Variants in GTPBP1 observed in about 807,000 individuals in gnomAD.
GTPBP1 encodes the protein GTP binding protein 1, also known as GTP-binding protein 1.
A neutral mutation model predicts 62.0 loss-of-function variants in GTPBP1; 23 were observed. The observed-to-expected ratio is 0.37, with a 90% CI of 0.27 to 0.53. The LOEUF is 0.53. Ranked by LOEUF, GTPBP1 falls within the 20% of genes least tolerant of loss-of-function variation. GTPBP1 has a pLI of 0.89. For missense variants in GTPBP1, 640 were observed against 917.3 expected, an observed-to-expected ratio of 0.70 and a Z score of 3.90; for synonymous variants, 344 against 364.4, an observed-to-expected ratio of 0.94 and a Z score of 0.64.
Position 38,726,507 on chromosome 22 carries a change from T to A in GTPBP1, c.1401+67T>A. On this transcript the variant is annotated intron_variant, in intron 8 of 11. Coordinates refer to ENST00000216044, the MANE Select transcript of GTPBP1 (RefSeq NM_004286.5). This position sits in a 1 kb window ranked among gnomAD's most constrained non-coding sequence, Gnocchi z 4.1. ...ATGCTAGGCTCTTGGCCAGATGCCCTGCTCACCCACTCTAGTCCTCATGGC... is the reference window on the plus strand; with the variant it reads ...ATGCTAGGCTCTTGGCCAGATGCCCAGCTCACCCACTCTAGTCCTCATGGC... 7.4e-7 allele frequency: 1 copy of A among 1,354,998 alleles called. No individual in the cohort carries two copies. The highest frequency in any genetic ancestry group is 1.0e-6 in the Non-Finnish European group (1 of 956,662). The allele number at this position is 1,354,998 out of a possible 1,614,324, so 83.9% of individuals were successfully genotyped here.
intron 1 of GTPBP1, 92 bp downstream of exon 1, chr22:38,706,239 C>CCG: frequency 1.2e-6 from 1 of 824,440 alleles, no homozygotes; most frequent in South Asian, 6.0e-5. Context: ...GCCGCCCTGT[C>CCG]CGCGGGGAGC....
intron 2 of GTPBP1, among the ~76,000 whole-genome samples, chr22:38,715,357 G>A (rs1339043868): frequency 6.6e-6 from 1 of 152,170 alleles, no homozygotes; most frequent in South Asian, 2.1e-4. Context: ...AACACACTGA[G>A]CTGCTTCCTG....
chr22:38,721,354 A>G (rs1217063390), intron 4 of GTPBP1, among the ~76,000 whole-genome samples: 1 of 152,192 alleles, frequency 6.6e-6, no homozygotes, highest in Non-Finnish European at 1.5e-5. Flanking sequence ...CTGGGGTTAC[A>G]GGAGTGAGCC....
chr22:38,714,622 A>G (rs900842447), intron 2 of GTPBP1, among the ~76,000 whole-genome samples: 3 of 152,108 alleles, frequency 2.0e-5, no homozygotes, highest in African/African-American at 7.2e-5. Flanking sequence ...TGGTGAAAGG[A>G]AAAACAGGAG....
At chr22:38,741,440 G>T, downstream of GTPBP1, 1 of 1,565,074 alleles carries the variant, frequency 6.4e-7, no homozygotes. Flanking sequence ...AGGTGAACAT[G>T]TTGGATGGGG....
Position 38,716,203 on chromosome 22 carries a change from G to C in GTPBP1, c.485+116G>C. The C allele has an allele frequency of 2.4e-6, 2 of 842,288 alleles. No homozygotes were observed. Among genetic ancestry groups the C allele is most frequent in the South Asian group, 1.6e-5 (1 of 64,112 alleles). The allele number at this position is 842,288 out of a possible 1,614,324, so 52.2% of individuals were successfully genotyped here. On this transcript the variant is annotated intron_variant, in intron 3 of 11. Transcript: ENST00000216044. The surrounding 1 kb of genome is among the most constrained non-coding windows in gnomAD (Gnocchi z 5.2). The stretch of plus-strand genomic sequence containing the variant: ...TCCCCTCCTGAGGCGGGGAAAGAGT[G>C]TCCAGGTGTCTGGAGACGTGGGCTC...
downstream of GTPBP1, chr22:38,739,385 A>G (rs1442280898): frequency 6.2e-7 from 1 of 1,613,132 alleles, no homozygotes; most frequent in Admixed American, 1.7e-5. This position sits in a 1 kb window ranked among gnomAD's most constrained non-coding sequence, Gnocchi z 6.7. Flanking sequence ...TGCGGTCCTC[A>G]CTGTAGCGCT....
downstream of GTPBP1, chr22:38,740,269 C>T (rs147351772): frequency 1.3e-3 from 2,003 of 1,576,052 alleles, 12 homozygotes; most frequent in Middle Eastern, 9.1e-3. The surrounding 1 kb of genome is among the most constrained non-coding windows in gnomAD (Gnocchi z 4.8). Flanking sequence ...CCACTCACGT[C>T]GTCCCGCACG....
At chr22:38,718,747 G>A (rs2092684263) in intron 4 of GTPBP1, among the ~76,000 whole-genome samples, 1 of 152,212 alleles carries the variant, frequency 6.6e-6, no homozygotes, top group South Asian at 2.1e-4. Context: ...TTCTGGTTTA[G>A]TATGGTACAA....
At chr22:38,713,587 T>C (rs1363665876) in intron 2 of GTPBP1, among the ~76,000 whole-genome samples, 1 of 152,048 alleles carries the variant, frequency 6.6e-6, no homozygotes, top group Non-Finnish European at 1.5e-5. Context: ...GTATTGTCAT[T>C]GTCAGAAATA....
chr22:38,727,958 T>A lies in GTPBP1; in HGVS notation c.1538-25T>A. 1 of 1,605,618 alleles carries A rather than the reference T, an allele frequency of 6.2e-7. No individual in the cohort carries two copies. The highest frequency in any genetic ancestry group is 8.5e-7 in the Non-Finnish European group (1 of 1,172,596). On this transcript the variant is annotated intron_variant, in intron 9 of 11. Transcript: ENST00000216044. This position sits in a 1 kb window ranked among gnomAD's most constrained non-coding sequence, Gnocchi z 6.5. ...GAAGCCACCAGGTGGCTCCAGCCTA[T>A]CCTGACCTCTGGCTTCCTTGACAGT...
At position 38,732,565 on chromosome 22, in the gene GTPBP1, A is replaced by G. The variant is rs2092766594; in HGVS notation, c.*1861A>G. The G allele has an allele frequency of 6.6e-6, 1 of 152,308 alleles. No individual in the cohort carries two copies. The highest frequency in any genetic ancestry group is 1.5e-5 in the Non-Finnish European group (1 of 68,092). The allele number at this position is 152,308 out of a possible 1,614,324, so 9.4% of individuals were successfully genotyped here. A position where few individuals can be genotyped will look rare whatever the true frequency, so the allele number is the denominator to read the frequency against. Reference sequence around the variant, plus strand: ...AAGGCTTGCTCAGTGAGCGGTCTGCACACCGTTAGCCACCCTGCCACCTCT... The same window carrying G: ...AAGGCTTGCTCAGTGAGCGGTCTGCGCACCGTTAGCCACCCTGCCACCTCT... On this transcript the variant is annotated 3_prime_UTR_variant, in exon 12 of 12. Transcript: ENST00000216044.
chr22:38,726,531 G>A lies in GTPBP1; in HGVS notation c.1401+91G>A. 9.0e-7 allele frequency: 1 copy of A among 1,113,356 alleles called. No homozygotes were observed. The highest frequency in any genetic ancestry group is 1.3e-6 in the Non-Finnish European group (1 of 751,876). 69.0% of individuals were successfully genotyped at this position (1,113,356 alleles called of 1,614,324 possible). On this transcript the variant is annotated intron_variant, in intron 8 of 11. Coordinates refer to ENST00000216044, the MANE Select transcript of GTPBP1 (RefSeq NM_004286.5). This position sits in a 1 kb window ranked among gnomAD's most constrained non-coding sequence, Gnocchi z 4.1. The stretch of plus-strand genomic sequence containing the variant: ...CTGCTCACCCACTCTAGTCCTCATG[G>A]CTGCTCTGCAAGGTCGGGATTACTG...
At chr22:38,738,884 C>T, downstream of GTPBP1, 3 of 1,605,314 alleles carry the variant, frequency 1.9e-6, no homozygotes, top group South Asian at 1.1e-5. This position sits in a 1 kb window ranked among gnomAD's most constrained non-coding sequence, Gnocchi z 6.6. Context: ...TGGAGGATGA[C>T]TCGGGGTGAC....
At chr22:38,714,752 G>A (rs1569277403) in intron 2 of GTPBP1, among the ~76,000 whole-genome samples, 3 of 152,094 alleles carry the variant, frequency 2.0e-5, no homozygotes, top group Admixed American at 1.3e-4. Context: ...TTTGGTGCGG[G>A]GGAAGAGAGT....
rs749692002 is a variant in GTPBP1, at chr22:38,726,167, G to A, written c.1218+17G>A. On this transcript the variant is annotated intron_variant, in intron 7 of 11. Coordinates refer to ENST00000216044, the MANE Select transcript of GTPBP1 (RefSeq NM_004286.5). The surrounding 1 kb of genome is among the most constrained non-coding windows in gnomAD (Gnocchi z 4.1). Reference sequence around the variant, plus strand: ...TCCGTCCCGGTAAGTGGCTCTGGGCGGGTAGCTGGGTGGGCACTTCCTACA... The same window carrying A: ...TCCGTCCCGGTAAGTGGCTCTGGGCAGGTAGCTGGGTGGGCACTTCCTACA... The A allele has an allele frequency of 1.4e-5, 23 of 1,609,554 alleles. No homozygotes were observed. Among genetic ancestry groups the A allele is most frequent in the African/African-American group, 5.3e-5 (4 of 74,838 alleles).
At chr22:38,708,334 T>A (rs2145837075) in intron 1 of GTPBP1, among the ~76,000 whole-genome samples, 1 of 152,266 alleles carries the variant, frequency 6.6e-6, no homozygotes, top group South Asian at 2.1e-4. Flanking sequence ...TGAAGATGAG[T>A]CTTGCAGGCA....
chr22:38,737,398 C>A (rs949455151), downstream of GTPBP1, among the ~76,000 whole-genome samples: 1 of 152,178 alleles, frequency 6.6e-6, no homozygotes, highest in African/African-American at 2.4e-5. The surrounding 1 kb of genome is among the most constrained non-coding windows in gnomAD (Gnocchi z 4.1). Context: ...CAACGCCCCT[C>A]TCCCCCACCT....
At chr22:38,720,386 ATT>A (rs55850024) in intron 4 of GTPBP1, among the ~76,000 whole-genome samples, 21 of 145,038 alleles carry the variant, frequency 1.4e-4, no homozygotes, top group South Asian at 2.2e-4. Flanking sequence ...CATGCAGCTA[ATT>A]TTTTTTTTTT....
Sources: gnomAD v4.1 joint callset for allele counts (sites outside exome capture counted in the v4.1 genomes callset) on GRCh38, gnomAD v4.1.1 for gene constraint, Gnocchi (gnomAD v3.1) non-coding constraint, MANE v1.5 for transcripts, NCBI Gene and HGNC (gene_info 2026-07-23, HGNC 2026-07-21) for gene names.